THEMIS: variants seen among roughly 807,000 people sequenced by gnomAD.
THEMIS encodes the protein thymocyte selection associated, also known as protein THEMIS.
In THEMIS, 37 loss-of-function variants were observed where a neutral mutation model predicts 52.6. The observed-to-expected ratio is 0.70, with a 90% CI of 0.54 to 0.93. THEMIS has a LOEUF of 0.93. Ranked by LOEUF, THEMIS falls within the 40% of genes least tolerant of loss-of-function variation. The pLI is 0.00. For missense variants in THEMIS, 808 were observed against 763.1 expected, an observed-to-expected ratio of 1.06 and a Z score of -0.69; for synonymous variants, 292 against 272.7, an observed-to-expected ratio of 1.07 and a Z score of -0.70.
chr6:127,782,415 G>A (rs147613627), intron 4 of THEMIS, among the ~76,000 whole-genome samples: 62 of 152,230 alleles, frequency 4.1e-4, no homozygotes, highest in African/African-American at 1.4e-3. Context: ...TGAAACCCAG[G>A]GCCCTAGTGG....
chr6:127,901,074 G>T, upstream of THEMIS: 1 of 687,104 alleles, frequency 1.5e-6, no homozygotes, highest in Non-Finnish European at 2.6e-6. Context: ...GAGTGGGGTG[G>T]AGTAGCTCTA....
chr6:127,906,936 G>C (rs1164605985), intron 1 of THEMIS, among the ~76,000 whole-genome samples: 1 of 149,942 alleles, frequency 6.7e-6, no homozygotes, highest in African/African-American at 2.5e-5. Flanking sequence ...AAGTAGAACT[G>C]TCTGAATGTT....
chr6:127,850,489 C>G (rs1181131613), intron 2 of THEMIS, among the ~76,000 whole-genome samples: 2 of 151,842 alleles, frequency 1.3e-5, no homozygotes, highest in East Asian at 3.9e-4. Flanking sequence ...ACTGACCTAA[C>G]TGTCCATCAA....
chr6:127,784,831 A>C (rs1391827425), intron 4 of THEMIS, among the ~76,000 whole-genome samples: 2 of 152,086 alleles, frequency 1.3e-5, no homozygotes, highest in Admixed American at 6.5e-5. Context: ...TTTTTAAAAA[A>C]ACTTAGGCCT....
rs184159886 is a variant in THEMIS at position 127,907,594 on chromosome 6, C to A, written c.-149-6513G>T. Among the ~76,000 whole-genome samples the A allele has an allele frequency of 7.9e-5, 12 of 151,788 alleles. No individual in the cohort carries two copies. The East Asian group carries it at 2.3e-3, about 30-fold the overall frequency. On this transcript the variant is annotated intron_variant, in intron 1 of 6. Coordinates refer to the THEMIS transcript ENST00000368250. ...CTAATTTCCCATAATTTCAGGTTCA[C>A]GGGCTCTACTTTGGATTTTATTAGG...
chr6:127,713,083 A>G (rs1037448193), intron 5 of THEMIS, among the ~76,000 whole-genome samples: 2 of 151,874 alleles, frequency 1.3e-5, no homozygotes, highest in Non-Finnish European at 2.9e-5. Flanking sequence ...TTTAGGATGC[A>G]ACTTGATTGT....
chr6:127,748,499 A>G (rs1775526122), intron 4 of THEMIS, among the ~76,000 whole-genome samples: 1 of 152,208 alleles, frequency 6.6e-6, no homozygotes, highest in East Asian at 1.9e-4. Context: ...CAGTCCTGCA[A>G]GAGCAGTAGT....
rs547035508 is a variant in THEMIS, at chr6:127,737,126, T to A, written c.1759-17303A>T. Among the ~76,000 whole-genome samples the A allele has an allele frequency of 9.2e-5, 14 of 152,298 alleles. No individual in the cohort carries two copies. The South Asian group carries it at 2.7e-3, about 29-fold the overall frequency. Reference sequence around the variant, plus strand: ...ATTATATATTCCCACCAGATGGCAGTCTTCCCTGGCTCTTGGCAACTACCT... The same window carrying A: ...ATTATATATTCCCACCAGATGGCAGACTTCCCTGGCTCTTGGCAACTACCT... On this transcript the variant is annotated intron_variant, in intron 4 of 5. Coordinates refer to ENST00000368248, the MANE Select transcript of THEMIS (RefSeq NM_001010923.3).
chr6:127,863,656 C>A (rs1779880671), intron 1 of THEMIS, among the ~76,000 whole-genome samples: 1 of 152,136 alleles, frequency 6.6e-6, no homozygotes, highest in Non-Finnish European at 1.5e-5. Context: ...ACCGGAACCA[C>A]AACTTACATG....
intron 1 of THEMIS, among the ~76,000 whole-genome samples, chr6:127,857,524 A>G (rs1365828837): frequency 1.3e-5 from 2 of 152,074 alleles, no homozygotes; most frequent in African/African-American, 4.8e-5. Context: ...TTCATTATTG[A>G]TTCATTATCA....
intron 2 of THEMIS, among the ~76,000 whole-genome samples, chr6:127,847,577 A>G (rs1481946578): frequency 6.6e-6 from 1 of 151,812 alleles, no homozygotes; most frequent in Non-Finnish European, 1.5e-5. Flanking sequence ...CCAACCTTAT[A>G]TTTTAACCAA....
chr6:127,757,983 C>T lies in THEMIS; in HGVS notation c.1759-38160G>A, dbSNP rs142326993. ...TAGATAGATAAATTATATTCACATA[C>T]GAATATGTATATATACACACACCCA... is the stretch of plus-strand genomic sequence containing the variant. On this transcript the variant is annotated intron_variant, in intron 4 of 5. Transcript: ENST00000368248. Among the ~76,000 whole-genome samples, 1,470 of 151,512 alleles carry T rather than the reference C, an allele frequency of 9.7e-3. 26 individuals are homozygous for T. Among genetic ancestry groups the T allele is most frequent in the African/African-American group, 0.034 (1,398 of 41,282 alleles).
chr6:127,806,974 A>C (rs1308682500), intron 4 of THEMIS, among the ~76,000 whole-genome samples: 1 of 152,112 alleles, frequency 6.6e-6, no homozygotes, highest in Non-Finnish European at 1.5e-5. Context: ...AGCCCATGCC[A>C]TTTACTAGAC....
chr6:127,805,626 C>T (rs1158728315), intron 4 of THEMIS, among the ~76,000 whole-genome samples: 3 of 151,954 alleles, frequency 2.0e-5, no homozygotes, highest in African/African-American at 7.2e-5. Context: ...CTTTCATAGC[C>T]ATCTTGTGCT....
At chr6:127,863,331 G>A (rs1779869488) in intron 1 of THEMIS, among the ~76,000 whole-genome samples, 1 of 151,962 alleles carries the variant, frequency 6.6e-6, no homozygotes, top group Non-Finnish European at 1.5e-5. Flanking sequence ...GTATCAAGCA[G>A]GTGTCCAAAT....
At chr6:127,904,745 A>G (rs1781225743), upstream of THEMIS, among the ~76,000 whole-genome samples, 1 of 152,102 alleles carries the variant, frequency 6.6e-6, no homozygotes. Context: ...GATAATTTTG[A>G]TAAACATGTT....
intron 4 of THEMIS, among the ~76,000 whole-genome samples, chr6:127,737,290 G>A (rs1775042985): frequency 6.6e-6 from 1 of 152,112 alleles, no homozygotes; most frequent in African/African-American, 2.4e-5. Context: ...CATGGACAGA[G>A]GTTTTTATTT....
At chr6:127,837,241 A>G (rs958266087) in intron 2 of THEMIS, among the ~76,000 whole-genome samples, 1 of 152,098 alleles carries the variant, frequency 6.6e-6, no homozygotes, top group Non-Finnish European at 1.5e-5. Flanking sequence ...AACTACTGCA[A>G]AAAGCCAGAA....
At chr6:127,916,429 C>A (rs1026814515) in intron 1 of THEMIS, among the ~76,000 whole-genome samples, 28 of 152,128 alleles carry the variant, frequency 1.8e-4, no homozygotes, top group African/African-American at 6.5e-4. Flanking sequence ...GGAATTCTGC[C>A]TGGGATAAGG....
Sources: gnomAD v4.1 joint callset for allele counts (sites outside exome capture counted in the v4.1 genomes callset) on GRCh38, gnomAD v4.1.1 for gene constraint, MANE v1.5 for transcripts, NCBI Gene and HGNC (gene_info 2026-07-23, HGNC 2026-07-21) for gene names.